The following CFAP46 variants were observed in gnomAD, a reference collection of about 807,000 sequenced individuals.
The protein encoded by CFAP46 is cilia- and flagella-associated protein 46.
CFAP46 carries 245 observed loss-of-function variants against 325.7 expected under a neutral mutation model. That is an observed-to-expected ratio of 0.75 (90% CI 0.68 to 0.84). CFAP46 has a LOEUF of 0.84. CFAP46 is among the 40% of genes least tolerant of loss of function. CFAP46 has a pLI of 0.00. For missense variants in CFAP46, 3,346 were observed against 3,543.0 expected (o/e 0.94, Z 1.41); for synonymous variants, 1,523 against 1,495.9 (o/e 1.02, Z -0.42).
At chr10:132,940,932 A>C in intron 4 of CFAP46, 64 bp downstream of exon 4, 3 of 1,508,320 alleles carry the variant, frequency 2.0e-6, no homozygotes, top group Admixed American at 1.7e-5. Flanking sequence ...CACCCACTTG[A>C]TAAGTTCTGG....
At chr10:132,923,792 G>A (rs917511164) in intron 11 of CFAP46, among the ~76,000 whole-genome samples, 2 of 152,180 alleles carry the variant, frequency 1.3e-5, no homozygotes, top group Admixed American at 1.3e-4. Context: ...TGTGAAATGA[G>A]CTGGAGTGAT....
In CFAP46 at chr10:132,876,645, G is replaced by A. The variant is rs567361322; in HGVS notation, c.4362+167C>T. Among the ~76,000 whole-genome samples the A allele has an allele frequency of 5.3e-5, 8 of 152,326 alleles. No individual in the cohort carries two copies. The East Asian group carries it at 1.5e-3, about 29-fold the overall frequency. On this transcript the variant is annotated intron_variant, in intron 31 of 57. Transcript: ENST00000368586. The surrounding 1 kb of genome is among the most constrained non-coding windows in gnomAD (Gnocchi z 4.1). ...CTTTCCTAAGTGTCGGCAGTTGAGG[G>A]CAGACAGTGGTGCTGGGAGGGCCTG...
At chr10:132,839,256 C>T (rs559320207) in intron 44 of CFAP46, among the ~76,000 whole-genome samples, 10 of 152,226 alleles carry the variant, frequency 6.6e-5, no homozygotes, top group Non-Finnish European at 1.3e-4. Context: ...CTGTGTCTCC[C>T]GTGGCCACAG....
At chr10:132,922,387 G>A in intron 12 of CFAP46, 93 bp downstream of exon 12, 2 of 1,453,706 alleles carry the variant, frequency 1.4e-6, no homozygotes, top group South Asian at 1.4e-5. Flanking sequence ...GGCAGCCCTG[G>A]GCGGCTCCCG....
intron 6 of CFAP46, 26 bp downstream of exon 6, chr10:132,937,526 T>C (rs1326204670): frequency 1.2e-6 from 2 of 1,612,536 alleles, no homozygotes; most frequent in Admixed American, 1.7e-5. Context: ...ACTTCTTACG[T>C]CTCTATTTCT....
rs1199592362 is a variant in CFAP46 at position 132,939,931 on chromosome 10, C to G, written c.371+1065G>C. On this transcript the variant is annotated intron_variant, in intron 4 of 57. Coordinates refer to ENST00000368586, the MANE Select transcript of CFAP46 (RefSeq NM_001200049.3). The surrounding 1 kb of genome is among the most constrained non-coding windows in gnomAD (Gnocchi z 4.6). Reference sequence around the variant, plus strand: ...CCCTCTCTCTCCACACAACCTGGACCCTTCCCAAAGATGGTCCTGACCTCT... The same window carrying G: ...CCCTCTCTCTCCACACAACCTGGACGCTTCCCAAAGATGGTCCTGACCTCT... 1.3e-5 allele frequency among the ~76,000 whole-genome samples: 2 copies of G among 152,220 alleles called. No individual in the cohort carries two copies. The highest frequency in any genetic ancestry group is 3.9e-4 in the East Asian group (2 of 5,186).
chr10:132,862,726 C>T (rs1030443889), intron 35 of CFAP46, among the ~76,000 whole-genome samples: 7 of 151,252 alleles, frequency 4.6e-5, no homozygotes, highest in South Asian at 2.1e-4. Context: ...GAGAGAGCCC[C>T]GCGGAGGAGA....
chr10:132,872,706 C>T lies in CFAP46; in HGVS notation c.4481G>A (p.Ser1494Asn). ...GTGGTAGAGATCCGACAGGCCCTTGCTTCCCACCACGGAGTCCGAAATCAG... is the reference window on the plus strand; with the variant it reads ...GTGGTAGAGATCCGACAGGCCCTTGTTTCCCACCACGGAGTCCGAAATCAG... ...GVLISDSVVG[S>N]KGLSDLYHLR... is the part of the protein sequence containing the mutation. The change falls in exon 32 of 58, where the codon AGC becomes AAC. Residue 1494 changes from serine to asparagine, a missense_variant. Ser to Asn is a conservative substitution (Grantham distance 46, BLOSUM62 1). Transcript: ENST00000368586. 6.4e-7 allele frequency: 1 copy of T among 1,550,722 alleles called. No homozygotes were observed. Among genetic ancestry groups the T allele is most frequent in the Non-Finnish European group, 8.7e-7 (1 of 1,147,032 alleles).
rs1398121574 is a variant in CFAP46, at chr10:132,884,921, CGTCCCTGACTG to C, written c.3627+171_3627+181del. ...GACCACTGAAACCAGCTCCATCCCTCGTCCCTGACTGGTCAGCAAGAGGAGTGCCCGGGGCC... is the reference window on the plus strand; with the variant it reads ...GACCACTGAAACCAGCTCCATCCCTCGTCAGCAAGAGGAGTGCCCGGGGCC... On this transcript the variant is annotated intron_variant, in intron 27 of 57. Coordinates refer to ENST00000368586, the MANE Select transcript of CFAP46 (RefSeq NM_001200049.3). This position sits in a 1 kb window ranked among gnomAD's most constrained non-coding sequence, Gnocchi z 5.4. Among the ~76,000 whole-genome samples the C allele has an allele frequency of 6.6e-6, 1 of 152,216 alleles. No homozygotes were observed. The highest frequency in any genetic ancestry group is 2.4e-5 in the African/African-American group (1 of 41,460).
Position 132,840,650 on chromosome 10 carries a change from CAGTTT to C in CFAP46, c.6439-3741_6439-3737del, listed in dbSNP as rs529723590. Reference sequence around the variant, plus strand: ...TCTCTAAGTCAGTTTAAGTCTAAGTCAGTTTAAAGTGTTTTCTGAATTCTGCTGTG... The same window carrying C: ...TCTCTAAGTCAGTTTAAGTCTAAGTCAAAGTGTTTTCTGAATTCTGCTGTG... On this transcript the variant is annotated intron_variant, in intron 44 of 57. Transcript: ENST00000368586. Among the ~76,000 whole-genome samples, 5 of 152,258 alleles carry C rather than the reference CAGTTT, an allele frequency of 3.3e-5. No homozygotes were observed. In the South Asian group the frequency reaches 1.0e-3, roughly 32 times the overall value.
At chr10:132,812,652 G>A (rs573560911) in intron 55 of CFAP46, 133 bp downstream of exon 55, 2 of 637,490 alleles carry the variant, frequency 3.1e-6, no homozygotes, top group Non-Finnish European at 5.6e-6. Flanking sequence ...AGTCACAGAG[G>A]GTGGGGGGCA....
chr10:132,909,266 G>GTGTA (rs1227427636), intron 20 of CFAP46, 22 bp from the exon 21 acceptor site: 1 of 1,524,896 alleles, frequency 6.6e-7, no homozygotes, highest in African/African-American at 1.4e-5. Context: ...GATGCCCTGA[G>GTGTA]TGTATCAGCC....
In CFAP46 at chr10:132,867,533, G is replaced by C. The variant is rs763081820; in HGVS notation, c.4611-26C>G. On this transcript the variant is annotated intron_variant, in intron 33 of 57. Coordinates refer to ENST00000368586, the MANE Select transcript of CFAP46 (RefSeq NM_001200049.3). ...CTAATGCGAGGAAAACAGACAATACGCAAGAGCCACATGGCCACGAAAATG... is the reference window on the plus strand; with the variant it reads ...CTAATGCGAGGAAAACAGACAATACCCAAGAGCCACATGGCCACGAAAATG... The C allele has an allele frequency of 6.5e-6, 10 of 1,544,662 alleles. No homozygotes were observed. The African/African-American group carries it at 9.6e-5, about 15-fold the overall frequency.
At chr10:132,930,998 C>A (rs2135685720) in intron 8 of CFAP46, among the ~76,000 whole-genome samples, 3 of 125,098 alleles carry the variant, frequency 2.4e-5, no homozygotes, top group Non-Finnish European at 1.7e-5. Flanking sequence ...CCACACAGAG[C>A]CTGGGCCTTC....
intron 39 of CFAP46, among the ~76,000 whole-genome samples, 198 bp from the exon 40 acceptor site, chr10:132,851,503 T>C (rs1003780392): frequency 7.9e-5 from 12 of 152,182 alleles, no homozygotes; most frequent in Admixed American, 3.3e-4. Flanking sequence ...CAGTAGCCCT[T>C]ATCCCCAAAT....
intron 39 of CFAP46, among the ~76,000 whole-genome samples, chr10:132,853,216 A>T (rs556124521): frequency 6.6e-6 from 1 of 152,314 alleles, no homozygotes; most frequent in East Asian, 1.9e-4. Flanking sequence ...AGGTTGAGGA[A>T]GTTTTCCTGT....
chr10:132,849,958 C>CGGGCTGCGTGCTGGGGT lies in CFAP46; in HGVS notation c.5952+285_5952+286insACCCCAGCACGCAGCCC, dbSNP rs571496175. On this transcript the variant is annotated intron_variant, in intron 41 of 57. Transcript: ENST00000368586. ...TCGCCAGCACAGGGCTTGATTGGGG[C>CGGGCTGCGTGCTGGGGT]GGGCCGCGTGCTGGGGCGGGCTGGC... is the stretch of plus-strand genomic sequence containing the variant. 9.2e-3 allele frequency among the ~76,000 whole-genome samples: 1,403 copies of CGGGCTGCGTGCTGGGGT among 152,300 alleles called. 12 individuals are homozygous for CGGGCTGCGTGCTGGGGT. Among genetic ancestry groups the CGGGCTGCGTGCTGGGGT allele is most frequent in the South Asian group, 0.043 (209 of 4,830 alleles).
At chr10:132,824,009 TGTGCTGTGTGCTGTGTGA>T (rs1352418324) in intron 50 of CFAP46, among the ~76,000 whole-genome samples, 15 of 58,450 alleles carry the variant, frequency 2.6e-4, no homozygotes, top group African/African-American at 1.8e-3. Context: ...GTGCTGTGTG[TGTGCTGTGTGCTGTGTGA>T]GTGCTGATGT....
intron 13 of CFAP46, among the ~76,000 whole-genome samples, chr10:132,921,451 G>A (rs1849721414): frequency 6.6e-6 from 1 of 152,234 alleles, no homozygotes; most frequent in Non-Finnish European, 1.5e-5. Flanking sequence ...ACGGCCCCGT[G>A]TCCCATTACC....
Sources: gnomAD v4.1 joint callset for allele counts (sites outside exome capture counted in the v4.1 genomes callset) on GRCh38, gnomAD v4.1.1 for gene constraint, Gnocchi (gnomAD v3.1) non-coding constraint, MANE v1.5 for transcripts, NCBI Gene and HGNC (gene_info 2026-07-23, HGNC 2026-07-21) for gene names.